The following CBLB variants were observed in gnomAD, a reference collection of about 807,000 sequenced individuals.
CBLB encodes E3 ubiquitin-protein ligase CBL-B.
A neutral mutation model predicts 104.9 loss-of-function variants in CBLB; 31 were observed. That is an observed-to-expected ratio of 0.30 (90% CI 0.22 to 0.40). CBLB has a LOEUF of 0.40. Among genes scored for constraint, CBLB ranks in the 10% least tolerant of loss-of-function variants. The pLI, the probability that CBLB is intolerant of heterozygous loss-of-function variation, is 1.00. For missense variants in CBLB, 1,062 were observed against 1,214.6 expected (o/e 0.87, Z 1.87); for synonymous variants, 440 against 422.6 (o/e 1.04, Z -0.51).
At chr3:105,862,844 C>G (rs778295226) in intron 2 of CBLB, among the ~76,000 whole-genome samples, 1 of 152,148 alleles carries the variant, frequency 6.6e-6, no homozygotes, top group Non-Finnish European at 1.5e-5. Flanking sequence ...AACCCATGAG[C>G]TGGCCAGCAC....
intron 3 of CBLB, among the ~76,000 whole-genome samples, chr3:105,846,257 A>G (rs1458607251): frequency 1.3e-5 from 2 of 152,084 alleles, no homozygotes; most frequent in Non-Finnish European, 2.9e-5. Context: ...TTTCACCATT[A>G]GTAAACAAAA....
At chr3:105,851,994 CACAT>C (rs1223662784) in intron 3 of CBLB, among the ~76,000 whole-genome samples, 1 of 152,104 alleles carries the variant, frequency 6.6e-6, no homozygotes, top group Non-Finnish European at 1.5e-5. Context: ...AAAAGCATAG[CACAT>C]ACAATTATGC....
chr3:105,864,146 A>G (rs1317246516), intron 2 of CBLB, among the ~76,000 whole-genome samples: 1 of 152,174 alleles, frequency 6.6e-6, no homozygotes, highest in Non-Finnish European at 1.5e-5. Context: ...CCAGAAAAAC[A>G]AGGAGGATGT....
At chr3:105,740,345 A>G in intron 7 of CBLB, 149 bp downstream of exon 7, 1 of 764,076 alleles carries the variant, frequency 1.3e-6, no homozygotes, top group South Asian at 1.6e-5. Flanking sequence ...GATTATATAA[A>G]AAGATGAACA....
chr3:105,774,477 A>G (rs970921152), intron 4 of CBLB, among the ~76,000 whole-genome samples: 3 of 152,240 alleles, frequency 2.0e-5, no homozygotes, highest in African/African-American at 4.8e-5. Flanking sequence ...GAAATTTGGC[A>G]GTCATCCACA....
chr3:105,718,140 A>G (rs185380411), intron 10 of CBLB, among the ~76,000 whole-genome samples: 2 of 152,248 alleles, frequency 1.3e-5, no homozygotes, highest in African/African-American at 4.8e-5. Flanking sequence ...TTTCTTGTTC[A>G]TCCTTCAGGA....
At chr3:105,795,549 C>G (rs559232039) in intron 3 of CBLB, among the ~76,000 whole-genome samples, 1 of 152,084 alleles carries the variant, frequency 6.6e-6, no homozygotes, top group Non-Finnish European at 1.5e-5. Flanking sequence ...ACTTCTGCAC[C>G]CTTAACATTA....
In CBLB at chr3:105,726,377, T is replaced by C. The variant is rs559272067; in HGVS notation, c.1204-6127A>G. Among the ~76,000 whole-genome samples, 3 of 152,268 alleles carry C rather than the reference T, an allele frequency of 2.0e-5. No homozygotes were observed. The South Asian group carries it at 6.2e-4, about 32-fold the overall frequency. On this transcript the variant is annotated intron_variant, in intron 9 of 18. Transcript: ENST00000394030. The stretch of plus-strand genomic sequence containing the variant: ...TATATCAAACAATATACAGGAAGAA[T>C]AACCACAGGAAAATTAATTTTACAT...
intron 3 of CBLB, among the ~76,000 whole-genome samples, chr3:105,822,330 A>G (rs890230009): frequency 8.5e-5 from 13 of 152,176 alleles, no homozygotes; most frequent in African/African-American, 3.1e-4. Context: ...CCTTCTAGTC[A>G]TCTAACACCT....
At chr3:105,676,104 T>C (rs1017909774) in intron 17 of CBLB, among the ~76,000 whole-genome samples, 26 of 151,698 alleles carry the variant, frequency 1.7e-4, no homozygotes, top group South Asian at 4.1e-4. Flanking sequence ...TTGAAAAACA[T>C]TGCCCTGACT....
At position 105,711,768 on chromosome 3, in the gene CBLB, T is replaced by C. The variant is rs558609240; in HGVS notation, c.1408-7595A>G. ...TACTTCTTAATACAGAAACAGAATG[T>C]AGGCACCCTGCTACCTTCCTAAGAA... On this transcript the variant is annotated intron_variant, in intron 10 of 18. Coordinates refer to ENST00000394030, the MANE Select transcript of CBLB (RefSeq NM_170662.5). Among the ~76,000 whole-genome samples the C allele has an allele frequency of 5.3e-5, 8 of 152,216 alleles. No individual in the cohort carries two copies. In the East Asian group the frequency reaches 1.2e-3, roughly 22 times the overall value.
intron 3 of CBLB, among the ~76,000 whole-genome samples, chr3:105,847,680 C>T (rs1198735611): frequency 6.6e-6 from 1 of 151,934 alleles, no homozygotes; most frequent in Non-Finnish European, 1.5e-5. Flanking sequence ...CTGGCTCACT[C>T]AAGCAGTTCA....
chr3:105,677,152 G>A (rs141604080), intron 17 of CBLB, among the ~76,000 whole-genome samples: 1 of 152,192 alleles, frequency 6.6e-6, no homozygotes, highest in African/African-American at 2.4e-5. Flanking sequence ...AACTCATAAG[G>A]TTCCACAGGT....
chr3:105,800,959 T>A (rs957251013), intron 3 of CBLB, among the ~76,000 whole-genome samples: 2 of 152,138 alleles, frequency 1.3e-5, no homozygotes, highest in Non-Finnish European at 2.9e-5. Context: ...ATATGTCATG[T>A]GAAAGTAAGA....
At chr3:105,733,749 A>C (rs17202341) in intron 9 of CBLB, among the ~76,000 whole-genome samples, 1 of 152,078 alleles carries the variant, frequency 6.6e-6, no homozygotes, top group Admixed American at 6.5e-5. Flanking sequence ...GGTAATACCT[A>C]TAAGTGAACA....
intron 18 of CBLB, among the ~76,000 whole-genome samples, chr3:105,666,200 T>C (rs753610505): frequency 6.6e-6 from 1 of 152,212 alleles, no homozygotes; most frequent in East Asian, 1.9e-4. Context: ...GGGACAGATA[T>C]CAAAACTCTT....
In CBLB at chr3:105,702,194, G is replaced by A; in HGVS notation, c.1859C>T (p.Thr620Ile). Residue 620 changes from threonine (T) to isoleucine (I), a missense_variant, in exon 12 of 19, where the codon ACA becomes ATA. By Grantham distance (89) the Thr-to-Ile change is moderately conservative. Transcript: ENST00000394030. Reference protein sequence around the residue: ...LGEGSPKPGITASSNVNGRHS... With the variant: ...LGEGSPKPGIIASSNVNGRHS... The stretch of plus-strand genomic sequence containing the variant: ...CCTTCCATTGACATTTGAACTCGCT[G>A]TGATTCCAGGTTTTGGAGAGCCCTC... The A allele has an allele frequency of 6.2e-7, 1 of 1,614,128 alleles. No homozygotes were observed. The highest frequency in any genetic ancestry group is 8.5e-7 in the Non-Finnish European group (1 of 1,180,012).
intron 3 of CBLB, among the ~76,000 whole-genome samples, chr3:105,847,138 T>C (rs1469392925): frequency 1.3e-5 from 2 of 151,964 alleles, no homozygotes; most frequent in East Asian, 3.9e-4. Context: ...TTGCAAAATG[T>C]TTTTTGGTAC....
At chr3:105,681,132 T>G (rs573571352) in intron 16 of CBLB, 1 of 333,754 alleles carries the variant, frequency 3.0e-6, no homozygotes, top group South Asian at 7.7e-5. Context: ...AGCAAGTTCA[T>G]ATTTATTAAG....
Sources: allele counts gnomAD v4.1 joint callset (sites outside exome capture counted in the v4.1 genomes callset), GRCh38; gene constraint gnomAD v4.1.1; transcripts MANE v1.5; gene names NCBI Gene and HGNC (gene_info 2026-07-23, HGNC 2026-07-21).